Variants in LIN7A observed in about 807,000 individuals in gnomAD.
LIN7A encodes lin-7 cell polarity scaffold A.
LIN7A carries 25 observed loss-of-function variants against 29.8 expected under a neutral mutation model. The observed-to-expected ratio is 0.84, with a 90% CI of 0.61 to 1.17. LIN7A has a LOEUF of 1.17. Among genes scored for constraint, LIN7A ranks in the 50% most tolerant of loss-of-function variants. The pLI, the probability that LIN7A is intolerant of heterozygous loss-of-function variation, is 0.00. For missense variants in LIN7A, 239 were observed against 287.0 expected, an observed-to-expected ratio of 0.83 and a Z score of 1.21; for synonymous variants, 118 against 107.5, an observed-to-expected ratio of 1.10 and a Z score of -0.60.
At chr12:80,841,138 C>A (rs10778768) in intron 4 of LIN7A, among the ~76,000 whole-genome samples, 59,958 of 151,616 alleles carry the variant, frequency 0.4, 12,003 homozygotes, top group Non-Finnish European at 0.42. Context: ...TCCTCATATA[C>A]AAGGTTGCTC....
chr12:80,889,181 G>T, intron 2 of LIN7A, 70 bp downstream of exon 2: 1 of 843,930 alleles, frequency 1.2e-6, no homozygotes, highest in Non-Finnish European at 2.1e-6. Context: ...AACTGTTTGT[G>T]TAGAGAAGAC....
chr12:80,936,196 C>G (rs946698864), intron 1 of LIN7A, among the ~76,000 whole-genome samples: 2 of 152,170 alleles, frequency 1.3e-5, no homozygotes, highest in Non-Finnish European at 2.9e-5. Flanking sequence ...ATGGATTATA[C>G]AATGGATTTC....
At chr12:80,809,048 C>T (rs1033112133) in intron 5 of LIN7A, among the ~76,000 whole-genome samples, 39 of 150,940 alleles carry the variant, frequency 2.6e-4, no homozygotes, top group African/African-American at 9.5e-4. Context: ...TGCAATGGCT[C>T]GATCTCGGCT....
chr12:80,800,444 G>A (rs933057278), intron 5 of LIN7A, among the ~76,000 whole-genome samples: 2 of 128,070 alleles, frequency 1.6e-5, no homozygotes, highest in Admixed American at 9.6e-5. Context: ...AGCTGCGATC[G>A]TGCCATTGCA....
At chr12:80,835,736 A>T (rs951550664) in intron 4 of LIN7A, among the ~76,000 whole-genome samples, 1 of 152,328 alleles carries the variant, frequency 6.6e-6, no homozygotes, top group Non-Finnish European at 1.5e-5. Context: ...ACGTATGACA[A>T]AATAGAGTCT....
At chr12:80,907,390 TCTTC>T (rs1876540481) in intron 1 of LIN7A, among the ~76,000 whole-genome samples, 1 of 152,188 alleles carries the variant, frequency 6.6e-6, no homozygotes, top group Non-Finnish European at 1.5e-5. Flanking sequence ...TTGATTCAAA[TCTTC>T]CTTTCATTGT....
At position 80,848,300 on chromosome 12, in the gene LIN7A, G is replaced by A. The variant is rs747194295; in HGVS notation, c.224C>T (p.Thr75Met). ...TTCGGGACAGCCATTAACAGTTATC[G>A]TTTCATGCATATATTGATACACCTA... ...IREVYQYMHE[T>M]ITVNGCPEFR... Residue 75 changes from threonine to methionine, a missense_variant, in exon 3 of 6, where the codon ACG becomes ATG. Thr to Met is a moderately conservative substitution (Grantham distance 81, BLOSUM62 -1). Transcript: ENST00000552864. 1.8e-5 allele frequency: 29 copies of A among 1,611,928 alleles called. No individual in the cohort carries two copies. Among genetic ancestry groups the A allele is most frequent in the Non-Finnish European group, 2.4e-5 (28 of 1,178,366 alleles).
chr12:80,863,031 C>T (rs990003168), intron 2 of LIN7A, among the ~76,000 whole-genome samples: 3 of 152,214 alleles, frequency 2.0e-5, no homozygotes, highest in East Asian at 3.9e-4. Flanking sequence ...AAATGCACCA[C>T]GCTTGGCTCT....
At chr12:80,898,024 A>G (rs1489752446) in intron 1 of LIN7A, among the ~76,000 whole-genome samples, 1 of 152,008 alleles carries the variant, frequency 6.6e-6, no homozygotes, top group Non-Finnish European at 1.5e-5. Flanking sequence ...TGCTTTTGAT[A>G]TCTTTATTAT....
intron 1 of LIN7A, among the ~76,000 whole-genome samples, chr12:80,914,288 T>C (rs1394784386): frequency 2.6e-5 from 4 of 152,202 alleles, no homozygotes; most frequent in African/African-American, 9.7e-5. Flanking sequence ...AAGTATATTG[T>C]AGCCTACAGT....
chr12:80,937,528 T>C, intron 1 of LIN7A, 113 bp downstream of exon 1: 1 of 682,524 alleles, frequency 1.5e-6, no homozygotes, highest in Non-Finnish European at 2.2e-6. Context: ...CTCGTCCTCG[T>C]TCCCCTTCTC....
chr12:80,923,777 A>G (rs988589150), intron 1 of LIN7A, among the ~76,000 whole-genome samples: 1 of 152,190 alleles, frequency 6.6e-6, no homozygotes, highest in South Asian at 2.1e-4. Flanking sequence ...TGTTGATAGT[A>G]TAGTCTAGTG....
At chr12:80,832,165 G>T (rs141623714) in intron 4 of LIN7A, among the ~76,000 whole-genome samples, 1 of 152,294 alleles carries the variant, frequency 6.6e-6, no homozygotes, top group Admixed American at 6.5e-5. Flanking sequence ...CAAAGCTAAA[G>T]CTAAGGCAAT....
At chr12:80,874,573 G>A (rs1253360855) in intron 2 of LIN7A, among the ~76,000 whole-genome samples, 2 of 152,114 alleles carry the variant, frequency 1.3e-5, no homozygotes, top group Non-Finnish European at 2.9e-5. Flanking sequence ...AGGACAAAAA[G>A]GCATATATTT....
At chr12:80,893,118 T>C (rs547440611) in intron 1 of LIN7A, among the ~76,000 whole-genome samples, 1 of 152,310 alleles carries the variant, frequency 6.6e-6, no homozygotes, top group East Asian at 1.9e-4. Flanking sequence ...ATGAAATGAT[T>C]TTTTTAGGTT....
chr12:80,807,974 A>G (rs1250529428), intron 5 of LIN7A, among the ~76,000 whole-genome samples: 1 of 152,006 alleles, frequency 6.6e-6, no homozygotes, highest in African/African-American at 2.4e-5. Context: ...GTGCTTAAAA[A>G]CCTTTAGTGG....
At chr12:80,876,154 T>C (rs1874691192) in intron 2 of LIN7A, among the ~76,000 whole-genome samples, 1 of 151,530 alleles carries the variant, frequency 6.6e-6, no homozygotes, top group Admixed American at 6.6e-5. Context: ...AATCTCCCAC[T>C]GAGACAAAAG....
intron 4 of LIN7A, among the ~76,000 whole-genome samples, chr12:80,821,901 G>A (rs1265006478): frequency 6.6e-6 from 1 of 152,216 alleles, no homozygotes; most frequent in Non-Finnish European, 1.5e-5. Context: ...AGATTTCACA[G>A]CAAAGTTGAT....
At chr12:80,857,721 T>C (rs529441058) in intron 2 of LIN7A, among the ~76,000 whole-genome samples, 1 of 152,156 alleles carries the variant, frequency 6.6e-6, no homozygotes, top group Admixed American at 6.6e-5. Flanking sequence ...TAGTCTCAAG[T>C]TGCAAGTCAT....
Sources: allele counts gnomAD v4.1 joint callset (sites outside exome capture counted in the v4.1 genomes callset), GRCh38; gene constraint gnomAD v4.1.1; transcripts MANE v1.5; gene names NCBI Gene and HGNC (gene_info 2026-07-23, HGNC 2026-07-21).